Variants in HK3 observed in about 807,000 individuals in gnomAD.
HK3 encodes hexokinase 3.
Under a neutral mutation model 91.0 loss-of-function variants are expected in HK3, and 93 were observed. That is an observed-to-expected ratio of 1.02 (90% CI 0.86 to 1.21). The LOEUF is 1.21. Among genes scored for constraint, HK3 ranks in the 50% most tolerant of loss-of-function variants. HK3 has a pLI of 0.00. For missense variants in HK3, 1,235 were observed against 1,247.4 expected (o/e 0.99, Z 0.15); for synonymous variants, 519 against 516.9 (o/e 1.00, Z -0.06).
At chr5:176,883,720 G>T (rs1283620842) in intron 15 of HK3, 50 bp downstream of exon 15, 10 of 1,407,882 alleles carry the variant, frequency 7.1e-6, no homozygotes, top group South Asian at 4.6e-5. Context: ...TCAACAGAAG[G>T]CAGCAAATTG....
rs765494624 is a variant in HK3, at chr5:176,888,875, G to A, written c.915-11C>T. On this transcript the variant is annotated splice_polypyrimidine_tract_variant and intron_variant, in intron 8 of 18. Coordinates refer to ENST00000292432, the MANE Select transcript of HK3 (RefSeq NM_002115.3). Reference sequence around the variant, plus strand: ...ATCATCTTCTCAAACCTGCAGGGGGGAAGGGTGGCTGGAGGAAGCCTTTTC... The same window carrying A: ...ATCATCTTCTCAAACCTGCAGGGGGAAAGGGTGGCTGGAGGAAGCCTTTTC... 1.9e-6 allele frequency: 3 copies of A among 1,609,554 alleles called. No homozygotes were observed. The highest frequency in any genetic ancestry group is 1.7e-4 in the Middle Eastern group (1 of 6,032).
intron 15 of HK3, among the ~76,000 whole-genome samples, chr5:176,883,141 G>A (rs1758489065): frequency 6.6e-6 from 1 of 152,232 alleles, no homozygotes; most frequent in South Asian, 2.1e-4. Flanking sequence ...GTTGTTCTGG[G>A]CTTAACCCTT....
intron 1 of HK3, among the ~76,000 whole-genome samples, chr5:176,896,552 C>T (rs1758913636): frequency 6.6e-6 from 1 of 152,228 alleles, no homozygotes; most frequent in Non-Finnish European, 1.5e-5. Context: ...GTATGATTAG[C>T]ACAGGCAGTG....
Position 176,881,044 on chromosome 5 carries a change from G to C in HK3, c.*29C>G. ...CCGACCCGGCTCCAGCAAGGCTGCG[G>C]CGGAGACCTCCTCAGCCTGGAGGTT... On this transcript the variant is annotated 3_prime_UTR_variant, in exon 19 of 19. Transcript: ENST00000292432. 1 of 1,571,662 alleles carries C rather than the reference G, an allele frequency of 6.4e-7. No homozygotes were observed. Among genetic ancestry groups the C allele is most frequent in the Non-Finnish European group, 8.6e-7 (1 of 1,159,548 alleles).
Position 176,887,788 on chromosome 5 carries a change from C to A in HK3, c.1305-42G>T. 2 of 1,565,680 alleles carry A rather than the reference C, an allele frequency of 1.3e-6. No individual in the cohort carries two copies. The highest frequency in any genetic ancestry group is 1.2e-5 in the South Asian group (1 of 82,850). On this transcript the variant is annotated intron_variant, in intron 10 of 18. Transcript: ENST00000292432. This position sits in a 1 kb window ranked among gnomAD's most constrained non-coding sequence, Gnocchi z 4.9. ...GTGCACCCGGCTTGGCCCTGGACCC[C>A]CAGACACACACAGGTGTGCACGGCT...
rs1356383928 is a variant in HK3 at position 176,881,971 on chromosome 5, T to C, written c.2210A>G (p.Gln737Arg). 2.5e-6 allele frequency: 4 copies of C among 1,613,470 alleles called. No individual in the cohort carries two copies. Among genetic ancestry groups the C allele is most frequent in the Admixed American group, 1.7e-5 (1 of 59,998 alleles). The change falls in exon 16 of 19, where the codon CAG (glutamine) becomes CGG (arginine). Residue 737 changes from glutamine (Q) to arginine (R), a missense_variant. Gln to Arg is a conservative substitution (Grantham distance 43, BLOSUM62 1). Transcript: ENST00000292432. ...CTGCTTGCCGGGGTTGATGGACGCC[T>C]GGTCCACACTTGCATCAAAGCGGGT... ...LSTRFDASVDQASINPGKQRF... is the reference protein window; with the variant it reads ...LSTRFDASVDRASINPGKQRF...
rs1758429067 is a variant in HK3, at chr5:176,881,552, AAG to A, written c.2394-19_2394-18del. ...AGGCTGTCACTGGGGGCCAGGAAGG[AAG>A]AGAGCACAGGGAGGTGGGTCGTGAC... On this transcript the variant is annotated intron_variant, in intron 17 of 18. Transcript: ENST00000292432. 2 of 1,596,890 alleles carry A rather than the reference AAG, an allele frequency of 1.3e-6. No individual in the cohort carries two copies. Among genetic ancestry groups the A allele is most frequent in the African/African-American group, 2.7e-5 (2 of 74,874 alleles).
In HK3 at chr5:176,882,129, T is replaced by G; in HGVS notation, c.2054-2A>C. 5 of 1,612,618 alleles carry G rather than the reference T, an allele frequency of 3.1e-6. No homozygotes were observed. Among genetic ancestry groups the G allele is most frequent in the Non-Finnish European group, 4.2e-6 (5 of 1,179,868 alleles). ...TGTAGCAGGCATTGGTGCCGGTTCC[T>G]GCAGAGAGGCCAGACAACGTGGAAG... On this transcript the variant is annotated splice_acceptor_variant, in intron 15 of 18. Transcript: ENST00000292432. LOFTEE classifies it high-confidence loss of function.
Position 176,884,056 on chromosome 5 carries a change from CT to C in HK3, c.1935del (p.Ala646ProfsTer10). ...GCTCCTACCTGTCTGCGAGTGATGGCTTCCCGCAACAGACTCACGACATCTT... is the reference window on the plus strand; with the variant it reads ...GCTCCTACCTGTCTGCGAGTGATGGCTCCCGCAACAGACTCACGACATCTT... ...EGQDVVSLLR[E>X]AITRRQAVEL... On this transcript the variant is annotated frameshift_variant, in exon 14 of 19. Transcript: ENST00000292432. LOFTEE classifies it high-confidence loss of function. This position sits in a 1 kb window ranked among gnomAD's most constrained non-coding sequence, Gnocchi z 4.1. 1.9e-6 allele frequency: 3 copies of C among 1,614,172 alleles called. No individual in the cohort carries two copies. The highest frequency in any genetic ancestry group is 2.5e-6 in the Non-Finnish European group (3 of 1,180,016).
In HK3 at chr5:176,887,897, C is replaced by CTT. The variant is rs113393288; in HGVS notation, c.1305-153_1305-152dup. On this transcript the variant is annotated intron_variant, in intron 10 of 18. Coordinates refer to ENST00000292432, the MANE Select transcript of HK3 (RefSeq NM_002115.3). The surrounding 1 kb of genome is among the most constrained non-coding windows in gnomAD (Gnocchi z 4.9). ...CCTCCTGAAGCCCAAGGCCCCATCA[C>CTT]TTTTTTTTTTTTATTTTTGTAGATA... The CTT allele has an allele frequency of 0.018, 9,906 of 545,462 alleles. 23 individuals carry two copies. The highest frequency in any genetic ancestry group is 0.035 in the Middle Eastern group (67 of 1,920). The allele number at this position is 545,462 out of a possible 1,614,324, so 33.8% of individuals were successfully genotyped here. A position where few individuals can be genotyped will look rare whatever the true frequency, so the allele number is the denominator to read the frequency against.
rs370502221 is a variant in HK3 at position 176,884,121 on chromosome 5, T to C, written c.1871A>G (p.Asn624Ser). 302 of 1,613,998 alleles carry C rather than the reference T, an allele frequency of 1.9e-4. No individual in the cohort carries two copies. Among genetic ancestry groups the C allele is most frequent in the Non-Finnish European group, 2.5e-4 (297 of 1,179,962 alleles). The change falls in exon 14 of 19, where the codon AAC becomes AGC. Residue 624 changes from asparagine (N) to serine (S), a missense_variant. Asn to Ser is a conservative substitution (Grantham distance 46). This residue lies in a region of HK3 where 513 missense variants were observed against 477.4 expected (regional missense o/e 1.07). Coordinates refer to ENST00000292432, the MANE Select transcript of HK3 (RefSeq NM_002115.3). The surrounding 1 kb of genome is among the most constrained non-coding windows in gnomAD (Gnocchi z 4.1). ...TGATGCCTTGAAACCCTTGGTCCAG[T>C]TCAGGAGGATGCCCTGGGGTGAGAC... is the stretch of plus-strand genomic sequence containing the variant. ...QLGLDQGILLNWTKGFKASDC... is the reference protein window; with the variant it reads ...QLGLDQGILLSWTKGFKASDC...
chr5:176,888,852 C>T lies in HK3; in HGVS notation c.927G>A (p.Met309Ile). The T allele has an allele frequency of 6.2e-7, 1 of 1,613,952 alleles. No homozygotes were observed. The highest frequency in any genetic ancestry group is 8.5e-7 in the Non-Finnish European group (1 of 1,179,930). ...LNPGAQRFEK[M>I]IGGLYLGELV... is the part of the protein sequence containing the mutation. ...GCTCACCCAGGTACAGGCCTCCGATCATCTTCTCAAACCTGCAGGGGGGAA... is the reference window on the plus strand; with the variant it reads ...GCTCACCCAGGTACAGGCCTCCGATTATCTTCTCAAACCTGCAGGGGGGAA... Residue 309 changes from methionine to isoleucine, a missense_variant, in exon 9 of 19, where the codon ATG becomes ATA. Physicochemically the swap from Met to Ile is conservative, Grantham distance 10 (BLOSUM62 1). Coordinates refer to ENST00000292432, the MANE Select transcript of HK3 (RefSeq NM_002115.3).
rs776048582 is a variant in HK3, at chr5:176,883,761, C to T, written c.2053+9G>A. On this transcript the variant is annotated intron_variant, in intron 15 of 18. Coordinates refer to ENST00000292432, the MANE Select transcript of HK3 (RefSeq NM_002115.3). The stretch of plus-strand genomic sequence containing the variant: ...CAGTAGGGGCATGAAAGGGCAGGGC[C>T]CTCCTCACCGACAATGAGGCCTATC... The T allele has an allele frequency of 1.6e-5, 26 of 1,605,638 alleles. No homozygotes were observed. The highest frequency in any genetic ancestry group is 5.4e-5 in the African/African-American group (4 of 74,732).
In HK3 at chr5:176,884,061, C is replaced by A. The variant is rs781200940; in HGVS notation, c.1931G>T (p.Arg644Leu). The stretch of plus-strand genomic sequence containing the variant: ...TACCTGTCTGCGAGTGATGGCTTCC[C>A]GCAACAGACTCACGACATCTTGGCC... ...CEGQDVVSLL[R>L]EAITRRQAVE... Residue 644 changes from arginine to leucine, a missense_variant, in exon 14 of 19, where the codon CGG (arginine) becomes CTG (leucine). Arg to Leu is a moderately radical substitution (Grantham distance 102). Around this residue, in one of 3 missense-constraint regions of HK3, gnomAD observed 513 missense variants for 477.4 expected, o/e 1.07. Coordinates refer to ENST00000292432, the MANE Select transcript of HK3 (RefSeq NM_002115.3). This position sits in a 1 kb window ranked among gnomAD's most constrained non-coding sequence, Gnocchi z 4.1. 1 of 1,614,114 alleles carries A rather than the reference C, an allele frequency of 6.2e-7. No individual in the cohort carries two copies. Among genetic ancestry groups the A allele is most frequent in the Non-Finnish European group, 8.5e-7 (1 of 1,180,014 alleles).
rs758616907 is a variant in HK3 at position 176,891,412 on chromosome 5, C to A, written c.235G>T (p.Val79Leu). 4.4e-5 allele frequency: 71 copies of A among 1,613,336 alleles called. No individual in the cohort carries two copies. Among genetic ancestry groups the A allele is most frequent in the Non-Finnish European group, 5.9e-5 (70 of 1,179,758 alleles). ...APAVRMLPTY[V>L]GSTPHGTEQG... The stretch of plus-strand genomic sequence containing the variant: ...CCAGTGCCATGTGGGGTGGACCCCA[C>A]GTATGTAGGCAGCATCCGGACCGCA... The change falls in exon 3 of 19, where the codon GTG (valine) becomes TTG (leucine). Residue 79 changes from valine to leucine, a missense_variant. Coordinates refer to ENST00000292432, the MANE Select transcript of HK3 (RefSeq NM_002115.3).
chr5:176,889,743 G>T lies in HK3; in HGVS notation c.632C>A (p.Ala211Asp). Residue 211 changes from alanine to aspartate, a missense_variant and splice_region_variant, in exon 7 of 19, where the codon GCC becomes GAC. Physicochemically the swap from Ala to Asp is moderately radical, Grantham distance 126. Coordinates refer to ENST00000292432, the MANE Select transcript of HK3 (RefSeq NM_002115.3). ...CACAGCAACCACGTCGATGTTGTAG[G>T]CCTAGATGATGAAGAGGGCAGAGGT... is the stretch of plus-strand genomic sequence containing the variant. ...LLRDAIRRQG[A>D]YNIDVVAVVN... is the part of the protein sequence containing the mutation. 6.2e-7 allele frequency: 1 copy of T among 1,613,658 alleles called. No homozygotes were observed. Among genetic ancestry groups the T allele is most frequent in the Non-Finnish European group, 8.5e-7 (1 of 1,179,796 alleles).
chr5:176,891,054 G>A lies in HK3; in HGVS notation c.397C>T (p.Leu133=). 6.2e-7 allele frequency: 1 copy of A among 1,613,988 alleles called. No individual in the cohort carries two copies. The highest frequency in any genetic ancestry group is 8.5e-7 in the Non-Finnish European group (1 of 1,180,018). ...QEFVIPQEVM[L]GAGQQLFDFA... ...GTGCTTACCTGCTGGCCAGCACCCA[G>A]CATCACCTCTTGGGGGATCACAAAC... is the stretch of plus-strand genomic sequence containing the variant. The change falls in exon 4 of 19, where the codon CTG becomes TTG. Residue 133 remains leucine (L), a synonymous_variant. Transcript: ENST00000292432.
At position 176,897,136 on chromosome 5, in the gene HK3, G is replaced by A. The variant is rs57259045; in HGVS notation, c.-26-951C>T. 9.3e-3 allele frequency among the ~76,000 whole-genome samples: 1,423 copies of A among 152,284 alleles called. 24 individuals carry two copies. The highest frequency in any genetic ancestry group is 0.032 in the African/African-American group (1,333 of 41,550). ...CGAGAGCAAAGGAACTTGCTCAGATGTGCATTCAGATTTATGTAGTTGAAT... is the reference window on the plus strand; with the variant it reads ...CGAGAGCAAAGGAACTTGCTCAGATATGCATTCAGATTTATGTAGTTGAAT... On this transcript the variant is annotated intron_variant, in intron 1 of 18. Coordinates refer to ENST00000292432, the MANE Select transcript of HK3 (RefSeq NM_002115.3).
rs199663371 is a variant in HK3, at chr5:176,891,149, G to A, written c.302C>T (p.Ala101Val). 337 of 1,614,138 alleles carry A rather than the reference G, an allele frequency of 2.1e-4. 1 individual carries two copies. In the Admixed American group the frequency reaches 5.3e-3, roughly 26 times the overall value. ...AGTCACCCACAAAACACGCAGTGAGGCCCCTGTGGCCCCCAGCTCCAGCAC... is the reference window on the plus strand; with the variant it reads ...AGTCACCCACAAAACACGCAGTGAGACCCCTGTGGCCCCCAGCTCCAGCAC... ...FVVLELGATG[A>V]SLRVLWVTLT... is the part of the protein sequence containing the mutation. Residue 101 changes from alanine (A) to valine (V), a missense_variant, in exon 4 of 19, where the codon GCC becomes GTC. Ala to Val is a moderately conservative substitution (Grantham distance 64). This residue lies in a region of HK3 where 717 missense variants were observed against 751.6 expected (regional missense o/e 0.95). Coordinates refer to ENST00000292432, the MANE Select transcript of HK3 (RefSeq NM_002115.3).
Sources: allele counts gnomAD v4.1 joint callset (sites outside exome capture counted in the v4.1 genomes callset), GRCh38; gene constraint gnomAD v4.1.1; regional missense constraint gnomAD v4.1.1; non-coding constraint Gnocchi (gnomAD v3.1); transcripts MANE v1.5; gene names NCBI Gene and HGNC (gene_info 2026-07-23, HGNC 2026-07-21).